LTBP1: variants seen among roughly 807,000 people sequenced by gnomAD.
LTBP1 encodes the protein latent transforming growth factor beta binding protein 1, also known as latent-transforming growth factor beta-binding protein 1.
LTBP1 carries 129 observed loss-of-function variants against 207.6 expected under a neutral mutation model. That is an observed-to-expected ratio of 0.62 (90% CI 0.54 to 0.72). The LOEUF is 0.72. LTBP1 is among the 30% of genes least tolerant of loss of function. The probability of loss-of-function intolerance (pLI) is 0.00; values close to 1 mark genes in which losing one functional copy is unlikely to be tolerated. For missense variants in LTBP1, 2,281 were observed against 2,217.2 expected (o/e 1.03, Z -0.58); for synonymous variants, 963 against 833.7 (o/e 1.16, Z -2.67).
At chr2:33,171,353 T>G (rs1465479164) in intron 5 of LTBP1, among the ~76,000 whole-genome samples, 4 of 145,830 alleles carry the variant, frequency 2.7e-5, no homozygotes, top group Admixed American at 2.1e-4. Flanking sequence ...AAGAACTACG[T>G]GAAGAATGCA....
chr2:33,043,050 G>A (rs1325383364), intron 3 of LTBP1, among the ~76,000 whole-genome samples: 2 of 152,194 alleles, frequency 1.3e-5, no homozygotes, highest in Non-Finnish European at 2.9e-5. Flanking sequence ...TGGTTACAGA[G>A]CTCTTCTCAG....
intron 32 of LTBP1, among the ~76,000 whole-genome samples, chr2:33,392,962 C>A (rs1395424679): frequency 6.6e-6 from 1 of 151,730 alleles, no homozygotes; most frequent in African/African-American, 2.4e-5. Flanking sequence ...CCTGCCTCAG[C>A]CTCCTGAGTA....
intron 3 of LTBP1, among the ~76,000 whole-genome samples, chr2:33,102,761 T>A (rs1440607843): frequency 6.6e-6 from 1 of 152,260 alleles, no homozygotes; most frequent in Non-Finnish European, 1.5e-5. Context: ...ACTGTCCGTA[T>A]GCACAGTCTG....
chr2:33,384,071 A>C (rs895006824), intron 31 of LTBP1, among the ~76,000 whole-genome samples: 1 of 152,208 alleles, frequency 6.6e-6, no homozygotes, highest in African/African-American at 2.4e-5. Context: ...GACTGTCCAG[A>C]CTGCCCTGCA....
intron 5 of LTBP1, among the ~76,000 whole-genome samples, chr2:33,160,233 G>A (rs767705205): frequency 6.6e-6 from 1 of 152,126 alleles, no homozygotes; most frequent in Non-Finnish European, 1.5e-5. Flanking sequence ...TAAAAATAAC[G>A]ATTATGGACA....
At chr2:33,301,307 T>G (rs564267081) in intron 21 of LTBP1, among the ~76,000 whole-genome samples, 13 of 152,310 alleles carry the variant, frequency 8.5e-5, no homozygotes, top group Admixed American at 6.5e-4. Context: ...AGGCCATTGT[T>G]TCATAAATAA....
intron 24 of LTBP1, among the ~76,000 whole-genome samples, chr2:33,315,746 G>T (rs1192896413): frequency 6.6e-6 from 1 of 152,108 alleles, no homozygotes; most frequent in African/African-American, 2.4e-5. Context: ...GACCAAGCCT[G>T]GCCAACATGG....
At chr2:33,090,400 T>C (rs1161128243) in intron 3 of LTBP1, among the ~76,000 whole-genome samples, 1 of 152,186 alleles carries the variant, frequency 6.6e-6, no homozygotes, top group African/African-American at 2.4e-5. Context: ...GCCGAATCTG[T>C]CTTCGCGCTT....
intron 25 of LTBP1, among the ~76,000 whole-genome samples, chr2:33,346,243 T>C (rs1467334338): frequency 2.0e-5 from 3 of 152,216 alleles, no homozygotes; most frequent in African/African-American, 2.4e-5. Flanking sequence ...CAAAGGAATA[T>C]GTAATCTGAA....
At chr2:33,075,953 T>C (rs2078059429) in intron 3 of LTBP1, among the ~76,000 whole-genome samples, 1 of 152,216 alleles carries the variant, frequency 6.6e-6, no homozygotes, top group South Asian at 2.1e-4. Context: ...TCAGCTATTA[T>C]TTGCATGCAA....
intron 3 of LTBP1, among the ~76,000 whole-genome samples, chr2:33,076,786 C>T (rs1189579683): frequency 2.6e-5 from 4 of 151,498 alleles, no homozygotes; most frequent in Admixed American, 1.3e-4. Context: ...CCACCCGTCT[C>T]GGCCTCCCAA....
At chr2:33,397,457 T>C in intron 33 of LTBP1, among the ~76,000 whole-genome samples, 175 bp downstream of exon 33, 1 of 151,236 alleles carries the variant, frequency 6.6e-6, no homozygotes, top group Non-Finnish European at 1.5e-5. Context: ...GACTATATAC[T>C]TAAAAATGGT....
At chr2:33,135,073 A>G (rs2082033891) in intron 5 of LTBP1, 113 bp downstream of exon 5, 1 of 1,073,046 alleles carries the variant, frequency 9.3e-7, no homozygotes, top group Non-Finnish European at 1.3e-6. Context: ...GTGTCTGTCT[A>G]TGAGTACGAG....
chr2:33,104,152 AGTCT>A (rs2150175315), intron 3 of LTBP1, among the ~76,000 whole-genome samples: 1 of 152,282 alleles, frequency 6.6e-6, no homozygotes, highest in South Asian at 2.1e-4. Context: ...GGAAAAGTTT[AGTCT>A]GTCTGTGCGC....
At position 33,252,756 on chromosome 2, in the gene LTBP1, G is replaced by A; in HGVS notation, c.2079G>A (p.Leu693=). 6.2e-7 allele frequency: 1 copy of A among 1,614,080 alleles called. No homozygotes were observed. Among genetic ancestry groups the A allele is most frequent in the Non-Finnish European group, 8.5e-7 (1 of 1,179,978 alleles). ...CTGGAAGACAGTGTATGCACCCTCTGTCTGTTCACCTCACCAAGCAGCTCT... is the reference window on the plus strand; with the variant it reads ...CTGGAAGACAGTGTATGCACCCTCTATCTGTTCACCTCACCAAGCAGCTCT... ...VSSGRQCMHP[L]SVHLTKQLCC... Residue 693 remains leucine, a synonymous_variant, in exon 11 of 34, where the codon CTG becomes CTA. Transcript: ENST00000404816.
intron 2 of LTBP1, among the ~76,000 whole-genome samples, chr2:32,995,404 T>C (rs1295818781): frequency 6.6e-6 from 1 of 152,208 alleles, no homozygotes; most frequent in Non-Finnish European, 1.5e-5. Context: ...GCTACTGGTC[T>C]TTGACTTTTC....
chr2:33,072,910 G>A (rs2077869836), intron 3 of LTBP1, among the ~76,000 whole-genome samples: 1 of 152,164 alleles, frequency 6.6e-6, no homozygotes, highest in South Asian at 2.1e-4. Flanking sequence ...ACTTCAGAGG[G>A]GGCGAGGATA....
chr2:33,279,842 A>G (rs1573585811), intron 18 of LTBP1, among the ~76,000 whole-genome samples, 197 bp from the exon 19 acceptor site: 2 of 152,298 alleles, frequency 1.3e-5, no homozygotes, highest in African/African-American at 4.8e-5. Flanking sequence ...GTATGCAAAT[A>G]TTTTAATCCA....
chr2:33,156,367 A>C lies in LTBP1; in HGVS notation c.1201+21407A>C, dbSNP rs375597261. Among the ~76,000 whole-genome samples the C allele has an allele frequency of 5.3e-5, 8 of 152,298 alleles. No homozygotes were observed. In the South Asian group the frequency reaches 6.2e-4, roughly 12 times the overall value. On this transcript the variant is annotated intron_variant, in intron 5 of 33. Transcript: ENST00000404816. ...AGACCATATTCGTCGTGCTTGTGAGATCCATCTTACTTCTCTTTGGCTTGG... is the reference window on the plus strand; with the variant it reads ...AGACCATATTCGTCGTGCTTGTGAGCTCCATCTTACTTCTCTTTGGCTTGG...
Sources: allele counts gnomAD v4.1 joint callset (sites outside exome capture counted in the v4.1 genomes callset), GRCh38; gene constraint gnomAD v4.1.1; transcripts MANE v1.5; gene names NCBI Gene and HGNC (gene_info 2026-07-23, HGNC 2026-07-21).